Variants in SVIL observed in about 807,000 individuals in gnomAD.
The protein encoded by SVIL is supervillin.
A neutral mutation model predicts 240.4 loss-of-function variants in SVIL; 101 were observed. The ratio of observed to expected loss-of-function variants is 0.42; its 90% CI spans 0.36 to 0.50. The LOEUF (loss-of-function observed/expected upper bound fraction) is 0.50, where lower values mean the gene tolerates loss of function less well. Among genes scored for constraint, SVIL ranks in the 20% least tolerant of loss-of-function variants. The pLI is 0.01. For synonymous variants in SVIL, 999 were observed against 1,100.0 expected (o/e 0.91, Z 1.82); for missense variants, 2,512 against 2,818.7 (o/e 0.89, Z 2.46).
intron 3 of SVIL, among the ~76,000 whole-genome samples, chr10:29,651,146 C>A (rs1958821166): frequency 6.6e-6 from 1 of 152,096 alleles, no homozygotes; most frequent in Non-Finnish European, 1.5e-5. Context: ...CGCGCCCCAA[C>A]CCTGCCTACA....
intron 18 of SVIL, among the ~76,000 whole-genome samples, chr10:29,498,817 C>T (rs1436877343): frequency 2.6e-5 from 4 of 152,008 alleles, no homozygotes; most frequent in Admixed American, 1.3e-4. Flanking sequence ...CCCATTTCTA[C>T]ATAAAAATTT....
intron 6 of SVIL, chr10:29,545,108 CCT>C (rs769305086): frequency 1.9e-6 from 1 of 534,020 alleles, no homozygotes; most frequent in South Asian, 1.4e-5. Context: ...CCTGCAGACA[CCT>C]CTCTCAGTGC....
chr10:29,462,360 G>A lies in SVIL; in HGVS notation c.6319C>T (p.His2107Tyr). The A allele has an allele frequency of 6.2e-7, 1 of 1,614,140 alleles. No individual in the cohort carries two copies. Among genetic ancestry groups the A allele is most frequent in the African/African-American group, 1.3e-5 (1 of 75,038 alleles). ...AATGTCAGGGGCTCCAGACCAGCGT[G>A]GATAAGGTAAGACTTGGGGGCTGGT... ...KKPAPKSYLI[H>Y]AGLEPLTFTN... Residue 2107 changes from histidine to tyrosine, a missense_variant, in exon 36 of 38, where the codon CAC (histidine) becomes TAC (tyrosine). Around this residue, in one of 3 missense-constraint regions of SVIL, gnomAD observed 797 missense variants for 925.3 expected, o/e 0.86. Coordinates refer to ENST00000355867, the MANE Select transcript of SVIL (RefSeq NM_021738.3).
intron 7 of SVIL, 114 bp from the exon 8 acceptor site, chr10:29,533,572 C>T (rs906519099): frequency 1.4e-6 from 2 of 1,440,644 alleles, no homozygotes; most frequent in Admixed American, 2.8e-5. Flanking sequence ...GAGAGAATAA[C>T]TTGTGAAAAA....
At chr10:29,651,512 C>T (rs1045011157) in intron 3 of SVIL, among the ~76,000 whole-genome samples, 3 of 152,044 alleles carry the variant, frequency 2.0e-5, no homozygotes, top group African/African-American at 4.8e-5. Flanking sequence ...AGTTCAGTGA[C>T]CTTGTGCTCA....
At chr10:29,558,089 G>T (rs1317027968) in intron 3 of SVIL, among the ~76,000 whole-genome samples, 1 of 152,192 alleles carries the variant, frequency 6.6e-6, no homozygotes, top group Non-Finnish European at 1.5e-5. Context: ...TGATTCCCCA[G>T]TACTAGAATT....
At chr10:29,666,196 G>A (rs191227184) in intron 2 of SVIL, among the ~76,000 whole-genome samples, 2 of 152,288 alleles carry the variant, frequency 1.3e-5, no homozygotes, top group African/African-American at 4.8e-5. Context: ...AGGATTACAA[G>A]CGTGAGCCAC....
intron 17 of SVIL, chr10:29,508,484 G>A: frequency 9.5e-7 from 1 of 1,049,462 alleles, no homozygotes; most frequent in Non-Finnish European, 1.3e-6. Context: ...TCATGCCTGG[G>A]TTCAAACAGC....
chr10:29,592,068 T>C (rs1956412207), intron 1 of SVIL, among the ~76,000 whole-genome samples: 1 of 152,114 alleles, frequency 6.6e-6, no homozygotes, highest in Non-Finnish European at 1.5e-5. Flanking sequence ...CTGGCCAACA[T>C]AGGAAAACCA....
chr10:29,545,121 A>G (rs761331870), intron 6 of SVIL: 1 of 533,412 alleles, frequency 1.9e-6, no homozygotes, highest in East Asian at 5.5e-5. Flanking sequence ...CTCTCAGTGC[A>G]TGGAAACAGA....
At position 29,532,666 on chromosome 10, in the gene SVIL, G is replaced by A. The variant is rs1564589335; in HGVS notation, c.1701C>T (p.Ser567=). 2 of 1,614,204 alleles carry A rather than the reference G, an allele frequency of 1.2e-6. No homozygotes were observed. Among genetic ancestry groups the A allele is most frequent in the Non-Finnish European group, 1.7e-6 (2 of 1,180,042 alleles). The part of the protein sequence containing the change: ...LQALKYKDPA[S]RRELELPSSK... ...AGCTGGGCAGCTCCAGCTCTCTCCT[G>A]GAAGCTGGGTCCTTATACTTCAAGG... The change falls in exon 8 of 38, where the codon TCC becomes TCT. Residue 567 remains serine (S), a synonymous_variant. Transcript: ENST00000355867.
chr10:29,634,112 C>A (rs1425479806), intron 1 of SVIL, among the ~76,000 whole-genome samples: 1 of 151,774 alleles, frequency 6.6e-6, no homozygotes, highest in Non-Finnish European at 1.5e-5. Flanking sequence ...ACTTTAAGTG[C>A]TAACATTTAG....
intron 1 of SVIL, among the ~76,000 whole-genome samples, chr10:29,616,950 C>A (rs1957449132): frequency 6.6e-6 from 1 of 152,140 alleles, no homozygotes; most frequent in Non-Finnish European, 1.5e-5. Flanking sequence ...CTTGAACTCC[C>A]AACCTCAGGT....
At chr10:29,630,914 T>G (rs182422296) in intron 1 of SVIL, among the ~76,000 whole-genome samples, 220 of 152,252 alleles carry the variant, frequency 1.4e-3, no homozygotes, top group Middle Eastern at 6.8e-3. Context: ...GATTGCCCAC[T>G]GGGCTAGACC....
intron 6 of SVIL, chr10:29,544,929 C>T (rs983320392): frequency 1.9e-6 from 1 of 519,132 alleles, no homozygotes; most frequent in Non-Finnish European, 3.9e-6. Flanking sequence ...GAAGCCAATT[C>T]CATTCCAGTA....
intron 3 of SVIL, among the ~76,000 whole-genome samples, chr10:29,646,354 A>G (rs892228003): frequency 1.3e-5 from 2 of 151,660 alleles, no homozygotes; most frequent in African/African-American, 4.9e-5. Flanking sequence ...TCAATATAGG[A>G]CTCCCTTGCA....
intron 3 of SVIL, among the ~76,000 whole-genome samples, chr10:29,646,168 G>A (rs908029025): frequency 3.3e-5 from 5 of 152,170 alleles, no homozygotes; most frequent in African/African-American, 9.7e-5. Flanking sequence ...AAAATGACAA[G>A]GCAATGAGTT....
rs532566216 is a variant in SVIL at position 29,533,779 on chromosome 10, C to T, written c.909-321G>A. Among the ~76,000 whole-genome samples, 164 of 152,210 alleles carry T rather than the reference C, an allele frequency of 1.1e-3. 2 individuals carry two copies. Among genetic ancestry groups the T allele is most frequent in the Non-Finnish European group, 3.2e-4 (22 of 68,012 alleles). On this transcript the variant is annotated intron_variant, in intron 7 of 37. Transcript: ENST00000355867. ...AGCCACAGAAAAATGCGTTAATATC[C>T]ACCACCAGCATGCATTAGGGCATAA...
At position 29,523,704 on chromosome 10, in the gene SVIL, C is replaced by G; in HGVS notation, c.2910G>C (p.Glu970Asp). 1 of 1,614,180 alleles carries G rather than the reference C, an allele frequency of 6.2e-7. No homozygotes were observed. The highest frequency in any genetic ancestry group is 1.1e-5 in the South Asian group (1 of 91,086). The change falls in exon 15 of 38, where the codon GAG becomes GAC. Residue 970 changes from glutamate (E) to aspartate (D), a missense_variant. By Grantham distance (45) the Glu-to-Asp change is conservative. Around this residue, in one of 3 missense-constraint regions of SVIL, gnomAD observed 1,443 missense variants for 1,486.6 expected, o/e 0.97. Coordinates refer to ENST00000355867, the MANE Select transcript of SVIL (RefSeq NM_021738.3). ...DSGMEKYGSF[E>D]EAEASYPILN... The stretch of plus-strand genomic sequence containing the variant: ...GGATGGGGTAGGATGCTTCTGCTTC[C>G]TCAAAGGACCCATACTTCTCCATCC...
Sources: gnomAD v4.1 joint callset for allele counts (sites outside exome capture counted in the v4.1 genomes callset) on GRCh38, gnomAD v4.1.1 for gene constraint, gnomAD v4.1.1 regional missense constraint, MANE v1.5 for transcripts, NCBI Gene and HGNC (gene_info 2026-07-23, HGNC 2026-07-21) for gene names.